Variants in ZSCAN22 observed in about 807,000 individuals in gnomAD.
ZSCAN22 encodes zinc finger and SCAN domain-containing protein 22.
ZSCAN22 carries 7 observed loss-of-function variants against 12.4 expected under a neutral mutation model. The observed-to-expected ratio is 0.57, with a 90% CI of 0.32 to 1.06. ZSCAN22 has a LOEUF of 1.06. ZSCAN22 is among the 50% of genes least tolerant of loss of function. The pLI, the probability that ZSCAN22 is intolerant of heterozygous loss-of-function variation, is 0.04. For synonymous variants in ZSCAN22, 243 were observed against 255.9 expected, an observed-to-expected ratio of 0.95 and a Z score of 0.48; for missense variants, 576 against 631.7, an observed-to-expected ratio of 0.91 and a Z score of 0.94.
Position 58,335,507 on chromosome 19 carries a change from C to A in ZSCAN22, c.403+302C>A, listed in dbSNP as rs1352906675. 6.6e-6 allele frequency among the ~76,000 whole-genome samples: 1 copy of A among 152,178 alleles called. No individual in the cohort carries two copies. The highest frequency in any genetic ancestry group is 1.5e-5 in the Non-Finnish European group (1 of 68,022). ...TGTTCTGTTTCTCAGTTGGTTTTTTCTGTGTTAGCTTCATTCTTATTTTAG... is the reference window on the plus strand; with the variant it reads ...TGTTCTGTTTCTCAGTTGGTTTTTTATGTGTTAGCTTCATTCTTATTTTAG... On this transcript the variant is annotated intron_variant, in intron 2 of 2. Coordinates refer to ENST00000329665, the MANE Select transcript of ZSCAN22 (RefSeq NM_181846.3). This position sits in a 1 kb window ranked among gnomAD's most constrained non-coding sequence, Gnocchi z 4.1.
chr19:58,334,195 C>T (rs1258594657), intron 1 of ZSCAN22, among the ~76,000 whole-genome samples: 1 of 152,222 alleles, frequency 6.6e-6, no homozygotes, highest in African/African-American at 2.4e-5. Flanking sequence ...TGTAGCTTAG[C>T]TCTCTGTTAA....
chr19:58,332,151 G>A (rs1011509186), intron 1 of ZSCAN22, among the ~76,000 whole-genome samples: 20 of 150,898 alleles, frequency 1.3e-4, no homozygotes, highest in Non-Finnish European at 2.1e-4. Context: ...GATTACAGGC[G>A]TGAGCCACCG....
At position 58,329,164 on chromosome 19, in the gene ZSCAN22, C is replaced by T. The variant is rs921587830; in HGVS notation, c.-52+2050C>T. On this transcript the variant is annotated intron_variant, in intron 1 of 2. Coordinates refer to ENST00000329665, the MANE Select transcript of ZSCAN22 (RefSeq NM_181846.3). The surrounding 1 kb of genome is among the most constrained non-coding windows in gnomAD (Gnocchi z 4.1). ...AGAGACCCAGGAGAACTTTACAGTG[C>T]GGCGAAGGGGCTTAAACGCAGCTTG... 1.6e-4 allele frequency among the ~76,000 whole-genome samples: 25 copies of T among 152,008 alleles called. No individual in the cohort carries two copies. The highest frequency in any genetic ancestry group is 9.6e-4 in the East Asian group (5 of 5,188).
At position 58,340,124 on chromosome 19, in the gene ZSCAN22, A is replaced by T. The variant is rs1172047519; in HGVS notation, c.*798A>T. ...TCCTGCCTTTATTCTCTGCCCCTGT[A>T]TCACTCTCCAGGGGACTCTTGATAT... On this transcript the variant is annotated 3_prime_UTR_variant, in exon 3 of 3. Coordinates refer to ENST00000329665, the MANE Select transcript of ZSCAN22 (RefSeq NM_181846.3). 1 of 152,050 alleles carries T rather than the reference A, an allele frequency of 6.6e-6. No individual in the cohort carries two copies. Among genetic ancestry groups the T allele is most frequent in the Non-Finnish European group, 1.5e-5 (1 of 68,078 alleles). 9.4% of individuals were successfully genotyped at this position (152,050 alleles called of 1,614,324 possible). A position where few individuals can be genotyped will look rare whatever the true frequency, so the allele number is the denominator to read the frequency against.
chr19:58,338,664 G>T lies in ZSCAN22; in HGVS notation c.814G>T (p.Glu272Ter). 6.2e-7 allele frequency: 1 copy of T among 1,614,212 alleles called. No homozygotes were observed. The highest frequency in any genetic ancestry group is 1.1e-5 in the South Asian group (1 of 91,080). The change falls in exon 3 of 3, where the codon GAG becomes TAG. Residue 272 changes from glutamate to a stop codon, truncating the protein, a stop_gained. Coordinates refer to ENST00000329665, the MANE Select transcript of ZSCAN22 (RefSeq NM_181846.3). LOFTEE classifies it low-confidence loss of function (END_TRUNC). This position sits in a 1 kb window ranked among gnomAD's most constrained non-coding sequence, Gnocchi z 5.4. ...YSGKRSSKCR[E>*]CRKMFQSASA... ...AGGGAAGAGGTCCTCCAAGTGTCGC[G>T]AGTGTAGGAAGATGTTCCAGAGTGC...
At chr19:58,330,330 C>T (rs1054113159) in intron 1 of ZSCAN22, among the ~76,000 whole-genome samples, 13 of 152,246 alleles carry the variant, frequency 8.5e-5, no homozygotes, top group Admixed American at 5.9e-4. Flanking sequence ...TATTATCTCC[C>T]TCTGAATGTC....
intron 1 of ZSCAN22, among the ~76,000 whole-genome samples, chr19:58,333,705 A>T (rs1039533558): frequency 6.6e-6 from 1 of 152,156 alleles, no homozygotes. Context: ...TTAGCCTCAC[A>T]TGGTGGTGCA....
At chr19:58,336,547 G>C (rs1052030983) in intron 2 of ZSCAN22, among the ~76,000 whole-genome samples, 11 of 152,134 alleles carry the variant, frequency 7.2e-5, no homozygotes, top group African/African-American at 2.7e-4. Flanking sequence ...ACAGGGCCAA[G>C]CAGATGGCTG....
chr19:58,327,673 C>A (rs1016424421), intron 1 of ZSCAN22, among the ~76,000 whole-genome samples: 14 of 152,090 alleles, frequency 9.2e-5, no homozygotes, highest in African/African-American at 3.4e-4. Flanking sequence ...GAGTGTGTGA[C>A]TGACAGAGAT....
In ZSCAN22 at chr19:58,341,411, C is replaced by T. The variant is rs1268769039; in HGVS notation, c.*2085C>T. 1 of 152,210 alleles carries T rather than the reference C, an allele frequency of 6.6e-6. No individual in the cohort carries two copies. Among genetic ancestry groups the T allele is most frequent in the Non-Finnish European group, 1.5e-5 (1 of 68,046 alleles). The allele number at this position is 152,210 out of a possible 1,614,324, so 9.4% of individuals were successfully genotyped here. On this transcript the variant is annotated 3_prime_UTR_variant, in exon 3 of 3. Coordinates refer to ENST00000329665, the MANE Select transcript of ZSCAN22 (RefSeq NM_181846.3). ...TCATTACTGTTAGTGTATCATTCTT[C>T]ATGCCTCTGTTTCTGTGATGGTCTC...
At chr19:58,333,339 G>A (rs1473823007) in intron 1 of ZSCAN22, among the ~76,000 whole-genome samples, 1 of 152,136 alleles carries the variant, frequency 6.6e-6, no homozygotes, top group Non-Finnish European at 1.5e-5. Flanking sequence ...TCATAGCTAA[G>A]ACAGCTTTGC....
In ZSCAN22 at chr19:58,338,843, G is replaced by A. The variant is rs1056736041; in HGVS notation, c.993G>A (p.Lys331=). 2.5e-5 allele frequency: 41 copies of A among 1,613,784 alleles called. No individual in the cohort carries two copies. The highest frequency in any genetic ancestry group is 3.4e-5 in the Non-Finnish European group (40 of 1,179,828). Residue 331 remains lysine, a synonymous_variant, in exon 3 of 3, where the codon AAG becomes AAA. Coordinates refer to ENST00000329665, the MANE Select transcript of ZSCAN22 (RefSeq NM_181846.3). This position sits in a 1 kb window ranked among gnomAD's most constrained non-coding sequence, Gnocchi z 5.4. ...AKPHECKECG[K]AFSRVTHLTQ... ...CCCATGAGTGTAAGGAATGTGGGAA[G>A]GCCTTCAGCCGAGTCACCCACCTGA...
chr19:58,334,482 A>G (rs1568543175), intron 1 of ZSCAN22, among the ~76,000 whole-genome samples: 1 of 151,988 alleles, frequency 6.6e-6, no homozygotes, highest in Non-Finnish European at 1.5e-5. Flanking sequence ...ACGTCTGGCT[A>G]ATTTGTTTTG....
At chr19:58,328,908 G>A (rs1160625165) in intron 1 of ZSCAN22, among the ~76,000 whole-genome samples, 1 of 152,144 alleles carries the variant, frequency 6.6e-6, no homozygotes, top group African/African-American at 2.4e-5. Flanking sequence ...GGCAAGTCCT[G>A]TGTGCTGTGG....
chr19:58,342,117 A>G lies in ZSCAN22; in HGVS notation c.*2791A>G, dbSNP rs2051883117. The stretch of plus-strand genomic sequence containing the variant: ...AAAGGGGAGGAGATGAGGGAGAAAA[A>G]AGGGAATCTACTCAGAGCCTGTGTG... On this transcript the variant is annotated 3_prime_UTR_variant, in exon 3 of 3. Transcript: ENST00000329665. 6.6e-6 allele frequency: 1 copy of G among 152,178 alleles called. No individual in the cohort carries two copies. Among genetic ancestry groups the G allele is most frequent in the South Asian group, 2.1e-4 (1 of 4,828 alleles). The allele number at this position is 152,178 out of a possible 1,614,324, so 9.4% of individuals were successfully genotyped here.
At position 58,338,438 on chromosome 19, in the gene ZSCAN22, G is replaced by C; in HGVS notation, c.588G>C (p.Lys196Asn). ...GACTATCAGGGGAGATCTGGACAAA[G>C]TCTGTCACCCAACAGATCCACTTCA... ...RSGLSGEIWT[K>N]SVTQQIHFKK... is the part of the protein sequence containing the mutation. Residue 196 changes from lysine (K) to asparagine (N), a missense_variant, in exon 3 of 3, where the codon AAG becomes AAC. Coordinates refer to ENST00000329665, the MANE Select transcript of ZSCAN22 (RefSeq NM_181846.3). The surrounding 1 kb of genome is among the most constrained non-coding windows in gnomAD (Gnocchi z 5.4). 6.2e-7 allele frequency: 1 copy of C among 1,614,190 alleles called. No individual in the cohort carries two copies. The highest frequency in any genetic ancestry group is 1.1e-5 in the South Asian group (1 of 91,080).
At chr19:58,334,206 C>A (rs1030066435) in intron 1 of ZSCAN22, among the ~76,000 whole-genome samples, 2 of 152,230 alleles carry the variant, frequency 1.3e-5, no homozygotes, top group African/African-American at 4.8e-5. Context: ...TCTCTGTTAA[C>A]CCTTCACTAG....
chr19:58,335,330 A>G lies in ZSCAN22; in HGVS notation c.403+125A>G, dbSNP rs1354104614. On this transcript the variant is annotated intron_variant, in intron 2 of 2. Coordinates refer to ENST00000329665, the MANE Select transcript of ZSCAN22 (RefSeq NM_181846.3). The surrounding 1 kb of genome is among the most constrained non-coding windows in gnomAD (Gnocchi z 4.1). Reference sequence around the variant, plus strand: ...ATTCTCACATTTGTACTTTACCGTAACTCTCACACACTGTTGTAGACAGGT... The same window carrying G: ...ATTCTCACATTTGTACTTTACCGTAGCTCTCACACACTGTTGTAGACAGGT... 23 of 1,247,584 alleles carry G rather than the reference A, an allele frequency of 1.8e-5. No homozygotes were observed. The Admixed American group carries it at 6.6e-4, about 36-fold the overall frequency. The allele number at this position is 1,247,584 out of a possible 1,614,324, so 77.3% of individuals were successfully genotyped here. A position where few individuals can be genotyped will look rare whatever the true frequency, so the allele number is the denominator to read the frequency against.
chr19:58,330,354 T>C (rs1299274633), intron 1 of ZSCAN22, among the ~76,000 whole-genome samples: 1 of 152,174 alleles, frequency 6.6e-6, no homozygotes, highest in African/African-American at 2.4e-5. Context: ...AGCACCCCCA[T>C]CTAGAAATGG....
Sources: gnomAD v4.1 joint callset for allele counts (sites outside exome capture counted in the v4.1 genomes callset) on GRCh38, gnomAD v4.1.1 for gene constraint, Gnocchi (gnomAD v3.1) non-coding constraint, MANE v1.5 for transcripts, NCBI Gene and HGNC (gene_info 2026-07-23, HGNC 2026-07-21) for gene names.